ZNF518B: variants seen among roughly 807,000 people sequenced by gnomAD.
ZNF518B encodes zinc finger protein 518B.
A neutral mutation model predicts 56.3 loss-of-function variants in ZNF518B; 23 were observed. The observed-to-expected ratio is 0.41, with a 90% CI of 0.29 to 0.58. The LOEUF is 0.58. Ranked by LOEUF, ZNF518B falls within the 20% of genes least tolerant of loss-of-function variation. The pLI, the probability that ZNF518B is intolerant of heterozygous loss-of-function variation, is 0.32. For missense variants in ZNF518B, 1,460 were observed against 1,272.1 expected (o/e 1.15, Z -2.25); for synonymous variants, 529 against 465.9 (o/e 1.14, Z -1.74).
At chr4:10,459,984 T>TTCATTCATTCAC (rs1715691897), upstream of ZNF518B, among the ~76,000 whole-genome samples, 1 of 152,052 alleles carries the variant, frequency 6.6e-6, no homozygotes, top group Non-Finnish European at 1.5e-5. Context: ...GGAGCCAACG[T>TTCATTCATTCAC]TCATTCATTC....
Position 10,444,890 on chromosome 4 carries a change from G to A in ZNF518B, c.1439C>T (p.Ala480Val). 4 of 1,612,744 alleles carry A rather than the reference G, an allele frequency of 2.5e-6. No homozygotes were observed. Among genetic ancestry groups the A allele is most frequent in the Non-Finnish European group, 2.5e-6 (3 of 1,179,544 alleles). ...AGATGCTAGAGAATGACCTTTTAAGGCAACGGAAGGAAAAGCAGTTCTATG... is the reference window on the plus strand; with the variant it reads ...AGATGCTAGAGAATGACCTTTTAAGACAACGGAAGGAAAAGCAGTTCTATG... ...YPHRTAFPSV[A>V]LKGHSLASVF... The change falls in exon 3 of 3, where the codon GCC (alanine) becomes GTC (valine). Residue 480 changes from alanine (A) to valine (V), a missense_variant. Ala to Val is a moderately conservative substitution (Grantham distance 64, BLOSUM62 0). Transcript: ENST00000326756.
chr4:10,447,054 T>G (rs1279092735), intron 2 of ZNF518B, among the ~76,000 whole-genome samples: 1 of 152,206 alleles, frequency 6.6e-6, no homozygotes, highest in Non-Finnish European at 1.5e-5. Flanking sequence ...TTTGCCTTCA[T>G]GAGTGCTAAG....
upstream of ZNF518B, among the ~76,000 whole-genome samples, chr4:10,458,027 CTG>C (rs1371453961): frequency 6.6e-6 from 1 of 152,166 alleles, no homozygotes; most frequent in East Asian, 1.9e-4. Context: ...GGGACAATGA[CTG>C]TGGGAGTCTG....
intron 2 of ZNF518B, among the ~76,000 whole-genome samples, chr4:10,448,303 T>C (rs888388795): frequency 2.0e-5 from 3 of 152,140 alleles, no homozygotes; most frequent in African/African-American, 7.2e-5. Context: ...CACAGGTAGC[T>C]TCCTTCTGGC....
upstream of ZNF518B, among the ~76,000 whole-genome samples, chr4:10,459,263 G>T (rs1246622970): frequency 6.6e-6 from 1 of 152,160 alleles, no homozygotes; most frequent in African/African-American, 2.4e-5. Flanking sequence ...GGAGTGTCTG[G>T]AAATGGAGTG....
chr4:10,443,838 C>A lies in ZNF518B; in HGVS notation c.2491G>T (p.Gly831Trp). The A allele has an allele frequency of 6.2e-7, 1 of 1,614,168 alleles. No homozygotes were observed. The highest frequency in any genetic ancestry group is 8.5e-7 in the Non-Finnish European group (1 of 1,180,024). Residue 831 changes from glycine to tryptophan, a missense_variant, in exon 3 of 3, where the codon GGG becomes TGG. Gly to Trp is a radical substitution (Grantham distance 184, BLOSUM62 -2). Coordinates refer to ENST00000326756, the MANE Select transcript of ZNF518B (RefSeq NM_053042.3). ...ATATTTGGGGACATATCTATTGGCC[C>A]CCTTTCACTTCTTAAAGGCTGTAAG... ...SDLQPLRSERGPIDMSPNIET... is the reference protein window; with the variant it reads ...SDLQPLRSERWPIDMSPNIET...
At chr4:10,460,530 CAG>C (rs1158734548), upstream of ZNF518B, among the ~76,000 whole-genome samples, 1 of 151,952 alleles carries the variant, frequency 6.6e-6, no homozygotes, top group African/African-American at 2.4e-5. Context: ...AGATGGAGAA[CAG>C]GGGAGAGGAG....
At chr4:10,449,919 G>A (rs992395356) in intron 2 of ZNF518B, among the ~76,000 whole-genome samples, 4 of 152,062 alleles carry the variant, frequency 2.6e-5, no homozygotes, top group Non-Finnish European at 5.9e-5. Context: ...AATCCCAGAA[G>A]GCACTTTTGC....
chr4:10,446,061 T>C lies in ZNF518B; in HGVS notation c.268A>G (p.Ser90Gly), dbSNP rs781037826. The change falls in exon 3 of 3, where the codon AGC (serine) becomes GGC (glycine). Residue 90 changes from serine (S) to glycine (G), a missense_variant. Physicochemically the swap from Ser to Gly is moderately conservative, Grantham distance 56. Transcript: ENST00000326756. ...AAATTGGGAGGAGCTGCACCGAGGCTGCACTGGAAGCAGACATACATACCG... is the reference window on the plus strand; with the variant it reads ...AAATTGGGAGGAGCTGCACCGAGGCCGCACTGGAAGCAGACATACATACCG... Reference protein sequence around the residue: ...KDGMYVCFQCSLGAAPPNFHF... With the variant: ...KDGMYVCFQCGLGAAPPNFHF... 3 of 1,614,066 alleles carry C rather than the reference T, an allele frequency of 1.9e-6. No individual in the cohort carries two copies. The highest frequency in any genetic ancestry group is 1.3e-5 in the African/African-American group (1 of 74,948).
upstream of ZNF518B, among the ~76,000 whole-genome samples, chr4:10,460,672 G>C (rs889579261): frequency 6.6e-6 from 1 of 152,204 alleles, no homozygotes; most frequent in Admixed American, 6.5e-5. Context: ...CCAGTGGGGA[G>C]CTTGGGGCTC....
chr4:10,441,342 G>A lies in ZNF518B; in HGVS notation c.*1762C>T, dbSNP rs1283796071. On this transcript the variant is annotated 3_prime_UTR_variant, in exon 3 of 3. Transcript: ENST00000326756. ...ATTTACCAATTAACTTGATGATCAT[G>A]TATTGAATTATACAAAAGAAATGTT... 1 of 150,016 alleles carries A rather than the reference G, an allele frequency of 6.7e-6. No individual in the cohort carries two copies. The highest frequency in any genetic ancestry group is 1.5e-5 in the Non-Finnish European group (1 of 67,684). 9.3% of individuals were successfully genotyped at this position (150,016 alleles called of 1,614,324 possible). A position where few individuals can be genotyped will look rare whatever the true frequency, so the allele number is the denominator to read the frequency against.
In ZNF518B at chr4:10,442,930, G is replaced by C; in HGVS notation, c.*174C>G. 1.7e-6 allele frequency: 1 copy of C among 585,598 alleles called. No individual in the cohort carries two copies. Among genetic ancestry groups the C allele is most frequent in the South Asian group, 2.7e-5 (1 of 37,028 alleles). 36.3% of individuals were successfully genotyped at this position (585,598 alleles called of 1,614,324 possible). A position where few individuals can be genotyped will look rare whatever the true frequency, so the allele number is the denominator to read the frequency against. ...TTTCAGAGCCTTCAAATACATTCTG[G>C]GGTCCAATCACATACTTCAGGTTCA... is the stretch of plus-strand genomic sequence containing the variant. On this transcript the variant is annotated 3_prime_UTR_variant, in exon 3 of 3. Transcript: ENST00000326756.
chr4:10,459,779 C>G (rs1715685775), upstream of ZNF518B, among the ~76,000 whole-genome samples: 1 of 152,164 alleles, frequency 6.6e-6, no homozygotes, highest in Non-Finnish European at 1.5e-5. Flanking sequence ...AGGGAGGATC[C>G]TCCCCTAGAG....
rs1210384501 is a variant in ZNF518B, at chr4:10,443,202, G to A, written c.3127C>T (p.Arg1043Ter). ...CACTCTTCCTGGTCTTCATACAGTCGCCCACAAAACCAGCACTTAAATACA... is the reference window on the plus strand; with the variant it reads ...CACTCTTCCTGGTCTTCATACAGTCACCCACAAAACCAGCACTTAAATACA... ...QCVFKCWFCG[R>*]LYEDQEEWMS... is the part of the protein sequence containing the mutation. Residue 1043 changes from arginine (R) to a stop codon, truncating the protein, a stop_gained, in exon 3 of 3, where the codon CGA becomes TGA. Transcript: ENST00000326756. LOFTEE classifies it high-confidence loss of function. 6.2e-7 allele frequency: 1 copy of A among 1,614,112 alleles called. No homozygotes were observed. The highest frequency in any genetic ancestry group is 1.7e-5 in the Admixed American group (1 of 60,002).
chr4:10,460,123 G>T (rs1230758278), upstream of ZNF518B, among the ~76,000 whole-genome samples: 2 of 151,680 alleles, frequency 1.3e-5, no homozygotes, highest in Non-Finnish European at 3.0e-5. Context: ...TGGCCAACAT[G>T]GTGAAGCCCC....
upstream of ZNF518B, among the ~76,000 whole-genome samples, chr4:10,460,285 A>G (rs1291804301): frequency 1.5e-5 from 2 of 137,628 alleles, no homozygotes; most frequent in Non-Finnish European, 3.1e-5. Flanking sequence ...AGCATGGGCA[A>G]CAGGGCAAGA....
upstream of ZNF518B, among the ~76,000 whole-genome samples, chr4:10,460,325 C>CAAAAAAAAAAAAAAAAAA (rs1043723933): frequency 1.7e-3 from 100 of 57,598 alleles, 26 homozygotes; most frequent in African/African-American, 1.9e-3. Flanking sequence ...AAAAAAAAAC[C>CAAAAAAAAAAAAAAAAAA]AAAAAAAAAA....
rs1714701054 is a variant in ZNF518B at position 10,441,947 on chromosome 4, A to C, written c.*1157T>G. ...CTGTAACTTTAGCAAAAACAGTGGG[A>C]GGTCTCCATTTTGTTGATTCCTGCC... On this transcript the variant is annotated 3_prime_UTR_variant, in exon 3 of 3. Coordinates refer to ENST00000326756, the MANE Select transcript of ZNF518B (RefSeq NM_053042.3). 6.6e-6 allele frequency: 1 copy of C among 152,196 alleles called. No homozygotes were observed. Among genetic ancestry groups the C allele is most frequent in the Admixed American group, 6.5e-5 (1 of 15,272 alleles). 9.4% of individuals were successfully genotyped at this position (152,196 alleles called of 1,614,324 possible).
intron 2 of ZNF518B, among the ~76,000 whole-genome samples, chr4:10,447,727 G>A (rs1715128778): frequency 7.0e-6 from 1 of 143,484 alleles, no homozygotes; most frequent in Admixed American, 7.5e-5. Context: ...TTGGCTCACT[G>A]CAACCTCTGC....
Sources: allele counts gnomAD v4.1 joint callset (sites outside exome capture counted in the v4.1 genomes callset), GRCh38; gene constraint gnomAD v4.1.1; transcripts MANE v1.5; gene names NCBI Gene and HGNC (gene_info 2026-07-23, HGNC 2026-07-21).